The following NALF1 variants were observed in gnomAD, a reference collection of about 807,000 sequenced individuals.
NALF1 encodes the protein family with sequence similarity 155 member A.
A neutral mutation model predicts 48.4 loss-of-function variants in NALF1; 3 were observed. The observed-to-expected ratio is 0.06, with a 90% CI of 0.03 to 0.16. NALF1 has a LOEUF of 0.16. NALF1 is among the 10% of genes least tolerant of loss of function. The pLI is 1.00. For missense variants in NALF1, 526 were observed against 571.5 expected (o/e 0.92, Z 0.81); for synonymous variants, 262 against 245.7 (o/e 1.07, Z -0.62).
chr13:107,758,750 G>A (rs1284844331), intron 1 of NALF1, among the ~76,000 whole-genome samples: 1 of 151,930 alleles, frequency 6.6e-6, no homozygotes, highest in Admixed American at 6.6e-5. Context: ...AAAAAGAAAA[G>A]CACGTATAAT....
chr13:107,675,582 T>C (rs2138489699), intron 1 of NALF1, among the ~76,000 whole-genome samples: 1 of 152,336 alleles, frequency 6.6e-6, no homozygotes, highest in Non-Finnish European at 1.5e-5. Flanking sequence ...TTTGTTTCAT[T>C]AAATGATTTC....
intron 1 of NALF1, among the ~76,000 whole-genome samples, chr13:107,636,940 C>A (rs568670234): frequency 1.3e-5 from 2 of 150,296 alleles, no homozygotes; most frequent in African/African-American, 4.9e-5. Flanking sequence ...ACATTTTAGT[C>A]AATAATGAGC....
At chr13:107,332,543 G>T (rs1882488612) in intron 1 of NALF1, among the ~76,000 whole-genome samples, 1 of 152,142 alleles carries the variant, frequency 6.6e-6, no homozygotes, top group African/African-American at 2.4e-5. Flanking sequence ...AGCAGCTGTG[G>T]GGCCAACATA....
chr13:107,850,808 C>T (rs552714093), intron 1 of NALF1, among the ~76,000 whole-genome samples: 61 of 151,772 alleles, frequency 4.0e-4, no homozygotes, highest in Non-Finnish European at 6.6e-4. Flanking sequence ...GAGGCTGAGG[C>T]AAGAGAATCA....
intron 1 of NALF1, among the ~76,000 whole-genome samples, chr13:107,671,013 T>C (rs1161754522): frequency 1.3e-5 from 2 of 152,148 alleles, no homozygotes; most frequent in African/African-American, 4.8e-5. Flanking sequence ...TTTGAATCAG[T>C]CATTGAATCT....
intron 1 of NALF1, among the ~76,000 whole-genome samples, chr13:107,310,102 C>T (rs950077024): frequency 6.6e-6 from 1 of 152,016 alleles, no homozygotes; most frequent in Non-Finnish European, 1.5e-5. Context: ...TGTCTTGATA[C>T]TTCAGGTATT....
At chr13:107,798,263 T>G (rs2138593783) in intron 1 of NALF1, among the ~76,000 whole-genome samples, 1 of 152,342 alleles carries the variant, frequency 6.6e-6, no homozygotes, top group East Asian at 1.9e-4. Context: ...AAATTACTTT[T>G]CAGAGGGCAC....
At chr13:107,864,528 G>A (rs1478092211) in intron 1 of NALF1, among the ~76,000 whole-genome samples, 2 of 152,170 alleles carry the variant, frequency 1.3e-5, no homozygotes, top group Admixed American at 6.5e-5. Context: ...CTTGTATATG[G>A]GATTGGGAAA....
chr13:107,702,613 T>C (rs979712123), intron 1 of NALF1, among the ~76,000 whole-genome samples: 2 of 152,188 alleles, frequency 1.3e-5, no homozygotes, highest in Non-Finnish European at 2.9e-5. Flanking sequence ...ACTTGTGCCA[T>C]GGTGTTTGCC....
intron 1 of NALF1, among the ~76,000 whole-genome samples, chr13:107,217,261 T>C (rs939819776): frequency 4.6e-5 from 7 of 152,312 alleles, no homozygotes; most frequent in African/African-American, 1.7e-4. Flanking sequence ...TTGCCAGCCC[T>C]GATCATGGTT....
intron 1 of NALF1, among the ~76,000 whole-genome samples, chr13:107,467,836 G>A (rs553209242): frequency 6.6e-6 from 1 of 151,874 alleles, no homozygotes; most frequent in East Asian, 1.9e-4. Flanking sequence ...GTCAGGAGAC[G>A]GAGACCATTC....
intron 1 of NALF1, among the ~76,000 whole-genome samples, chr13:107,646,902 G>C (rs1462919491): frequency 1.3e-5 from 2 of 151,910 alleles, no homozygotes; most frequent in Admixed American, 6.6e-5. Context: ...ACAATGATTT[G>C]TATTTACATA....
At chr13:107,771,078 TTATC>T (rs1213177564) in intron 1 of NALF1, among the ~76,000 whole-genome samples, 4 of 152,310 alleles carry the variant, frequency 2.6e-5, no homozygotes, top group East Asian at 1.9e-4. Context: ...AAATATCGAT[TTATC>T]TATCTATGTA....
chr13:107,187,488 A>G (rs1879199841), intron 2 of NALF1, among the ~76,000 whole-genome samples: 1 of 152,196 alleles, frequency 6.6e-6, no homozygotes, highest in Non-Finnish European at 1.5e-5. Context: ...AAGTAGGCCC[A>G]TTGCAGCAAC....
intron 1 of NALF1, among the ~76,000 whole-genome samples, chr13:107,273,244 G>A (rs1266739794): frequency 6.6e-6 from 1 of 152,140 alleles, no homozygotes; most frequent in Non-Finnish European, 1.5e-5. Flanking sequence ...CATACCAATA[G>A]GTCATAATGT....
chr13:107,676,748 T>C (rs974974885), intron 1 of NALF1, among the ~76,000 whole-genome samples: 4 of 152,198 alleles, frequency 2.6e-5, no homozygotes, highest in Admixed American at 6.5e-5. Flanking sequence ...CATTTGACAT[T>C]TGAATGCATA....
At chr13:107,364,781 G>A (rs992919534) in intron 1 of NALF1, among the ~76,000 whole-genome samples, 2 of 66,060 alleles carry the variant, frequency 3.0e-5, no homozygotes, top group East Asian at 4.0e-4. Context: ...AAGCTCGTAA[G>A]AGCCTGACAA....
intron 1 of NALF1, among the ~76,000 whole-genome samples, chr13:107,602,482 G>A (rs143613627): frequency 6.6e-6 from 1 of 152,236 alleles, no homozygotes; most frequent in African/African-American, 2.4e-5. Context: ...AAGGGATAAC[G>A]TAAAGTTGTT....
intron 1 of NALF1, among the ~76,000 whole-genome samples, chr13:107,635,996 A>G (rs946867205): frequency 9.2e-5 from 14 of 152,308 alleles, no homozygotes; most frequent in African/African-American, 2.6e-4. Flanking sequence ...AGAAGTGAGA[A>G]AAGTATTTTA....
Sources: allele counts gnomAD v4.1 joint callset (sites outside exome capture counted in the v4.1 genomes callset), GRCh38; gene constraint gnomAD v4.1.1; transcripts MANE v1.5; gene names NCBI Gene and HGNC (gene_info 2026-07-23, HGNC 2026-07-21).